The following AOAH variants were observed in gnomAD, a reference collection of about 807,000 sequenced individuals.
AOAH encodes the protein acyloxyacyl hydrolase, also known as acyloxyacyl hydrolase (neutrophil).
AOAH carries 64 observed loss-of-function variants against 92.2 expected under a neutral mutation model. The ratio of observed to expected loss-of-function variants is 0.69; its 90% CI spans 0.57 to 0.86. The LOEUF is 0.86. Among genes scored for constraint, AOAH ranks in the 40% least tolerant of loss-of-function variants. AOAH has a pLI of 0.00. For synonymous variants in AOAH, 263 were observed against 254.5 expected, an observed-to-expected ratio of 1.03 and a Z score of -0.32; for missense variants, 656 against 694.6, an observed-to-expected ratio of 0.94 and a Z score of 0.62.
intron 12 of AOAH, among the ~76,000 whole-genome samples, chr7:36,577,991 A>G (rs1309127968): frequency 6.6e-6 from 1 of 152,220 alleles, no homozygotes; most frequent in East Asian, 1.9e-4. Flanking sequence ...TTGGGCATTC[A>G]GGATGCATAG....
At chr7:36,639,950 GC>G (rs2116334943) in intron 4 of AOAH, among the ~76,000 whole-genome samples, 1 of 152,326 alleles carries the variant, frequency 6.6e-6, no homozygotes, top group Admixed American at 6.5e-5. Context: ...GTTCTCTGGG[GC>G]TCAATGTTTG....
intron 11 of AOAH, among the ~76,000 whole-genome samples, chr7:36,596,113 T>C (rs1184705263): frequency 6.6e-6 from 1 of 152,122 alleles, no homozygotes; most frequent in African/African-American, 2.4e-5. Flanking sequence ...AGTACATGGG[T>C]TTGTTTTAGA....
At chr7:36,569,470 AATCTATCTATCT>A (rs10581908) in intron 13 of AOAH, among the ~76,000 whole-genome samples, 4,444 of 148,048 alleles carry the variant, frequency 0.03, 214 homozygotes, top group African/African-American at 0.1. Flanking sequence ...TACTTAAAAA[AATCTATCTATCT>A]ATCTATCTAT....
In AOAH at chr7:36,616,575, C is replaced by T. The variant is rs904999311; in HGVS notation, c.752-101G>A. The stretch of plus-strand genomic sequence containing the variant: ...CGGATACCCTAGTGTGTATTCCAGG[C>T]ACCGAGCATTTTCACAGTAATGCAT... On this transcript the variant is annotated intron_variant, in intron 10 of 20. Coordinates refer to ENST00000617537, the MANE Select transcript of AOAH (RefSeq NM_001637.4). 16 of 930,438 alleles carry T rather than the reference C, an allele frequency of 1.7e-5. 1 individual carries two copies. The African/African-American group carries it at 2.1e-4, about 12-fold the overall frequency. The allele number at this position is 930,438 out of a possible 1,614,324, so 57.6% of individuals were successfully genotyped here.
At chr7:36,659,366 T>C in intron 3 of AOAH, 101 bp from the exon 4 acceptor site, 2 of 922,602 alleles carry the variant, frequency 2.2e-6, no homozygotes, top group Non-Finnish European at 3.5e-6. Flanking sequence ...TGGATTCTAA[T>C]ACCCTCAACT....
chr7:36,644,593 G>A lies in AOAH; in HGVS notation c.391-6683C>T, dbSNP rs761806019. Among the ~76,000 whole-genome samples, 17 of 152,274 alleles carry A rather than the reference G, an allele frequency of 1.1e-4. 1 individual carries two copies. The East Asian group carries it at 1.3e-3, about 12-fold the overall frequency. ...CAGAATGTCCTGAGACATTTTTAAG[G>A]TATGGTGAATTGCACAGGACACATT... On this transcript the variant is annotated intron_variant, in intron 4 of 20. Coordinates refer to ENST00000617537, the MANE Select transcript of AOAH (RefSeq NM_001637.4).
intron 20 of AOAH, among the ~76,000 whole-genome samples, chr7:36,517,654 G>A (rs2115751567): frequency 7.7e-6 from 1 of 130,190 alleles, no homozygotes; most frequent in Middle Eastern, 6.3e-3. Context: ...AGGCTGGAGT[G>A]TAGTGGCGTG....
chr7:36,637,707 C>T, intron 5 of AOAH, 144 bp downstream of exon 5: 1 of 736,632 alleles, frequency 1.4e-6, no homozygotes, highest in African/African-American at 1.8e-5. Context: ...AAGCAGTTCA[C>T]ATTCCTACTT....
At chr7:36,694,812 T>C (rs1797612830) in intron 1 of AOAH, among the ~76,000 whole-genome samples, 1 of 152,134 alleles carries the variant, frequency 6.6e-6, no homozygotes, top group South Asian at 2.1e-4. Context: ...TAAAAAGATA[T>C]AGAGAATGGG....
At chr7:36,615,154 A>G (rs1400106575) in intron 11 of AOAH, among the ~76,000 whole-genome samples, 1 of 152,120 alleles carries the variant, frequency 6.6e-6, no homozygotes, top group Non-Finnish European at 1.5e-5. Context: ...GGGACAAGCT[A>G]CTACATAAGA....
chr7:36,588,857 T>C (rs954345377), intron 12 of AOAH, among the ~76,000 whole-genome samples: 17 of 152,200 alleles, frequency 1.1e-4, no homozygotes, highest in African/African-American at 4.1e-4. Context: ...GCTACATCTT[T>C]GGTTCAATAT....
At chr7:36,522,757 C>T (rs761440307) in intron 19 of AOAH, among the ~76,000 whole-genome samples, 108 of 152,270 alleles carry the variant, frequency 7.1e-4, no homozygotes, top group Non-Finnish European at 1.5e-3. Flanking sequence ...AGTAAGAACT[C>T]CTCAAGGAAA....
chr7:36,610,366 G>A lies in AOAH; in HGVS notation c.846+6014C>T, dbSNP rs773967398. Among the ~76,000 whole-genome samples the A allele has an allele frequency of 9.9e-5, 15 of 151,890 alleles. 1 individual carries two copies. In the South Asian group the frequency reaches 2.5e-3, roughly 25 times the overall value. On this transcript the variant is annotated intron_variant, in intron 11 of 20. Coordinates refer to ENST00000617537, the MANE Select transcript of AOAH (RefSeq NM_001637.4). ...CTTGCTCTTCTTGTAACAGCATGAC[G>A]TGTGTATATATAATATACATATATG...
intron 1 of AOAH, 79 bp from the exon 2 acceptor site, chr7:36,686,873 T>C (rs1584116488): frequency 8.2e-5 from 1 of 12,244 alleles, no homozygotes; most frequent in Non-Finnish European, 1.2e-4. Context: ...AAAGGATGCG[T>C]GTGTGTGTGT....
intron 3 of AOAH, among the ~76,000 whole-genome samples, chr7:36,664,210 G>A (rs979358365): frequency 6.6e-6 from 1 of 151,954 alleles, no homozygotes; most frequent in Admixed American, 6.6e-5. Flanking sequence ...AGGTCAACTA[G>A]ATTTTCTCCT....
intron 15 of AOAH, among the ~76,000 whole-genome samples, chr7:36,546,487 T>C (rs570942955): frequency 2.1e-4 from 32 of 152,324 alleles, no homozygotes; most frequent in African/African-American, 7.7e-4. Flanking sequence ...TTCACCCAAA[T>C]GCTTGCTGCT....
chr7:36,692,271 C>T (rs537511364), intron 1 of AOAH, among the ~76,000 whole-genome samples: 10 of 152,318 alleles, frequency 6.6e-5, no homozygotes, highest in Non-Finnish European at 1.0e-4. Context: ...AGGGAAGACA[C>T]ATCTTCTCCA....
At chr7:36,621,833 A>T in intron 7 of AOAH, 53 bp from the exon 8 acceptor site, 1 of 1,528,444 alleles carries the variant, frequency 6.5e-7, no homozygotes, top group Admixed American at 1.7e-5. Flanking sequence ...GATGTTATCC[A>T]CGAGGAAGGC....
At chr7:36,661,408 G>T (rs1199056100) in intron 3 of AOAH, 1 of 152,206 alleles carries the variant, frequency 6.6e-6, no homozygotes, top group Non-Finnish European at 1.5e-5. Context: ...AGAACCCAGA[G>T]GACGTGCAGT....
Sources: gnomAD v4.1 joint callset for allele counts (sites outside exome capture counted in the v4.1 genomes callset) on GRCh38, gnomAD v4.1.1 for gene constraint, MANE v1.5 for transcripts, NCBI Gene and HGNC (gene_info 2026-07-23, HGNC 2026-07-21) for gene names.